NECTIN2: variants seen among roughly 807,000 people sequenced by gnomAD.
NECTIN2 encodes nectin cell adhesion molecule 2.
Under a neutral mutation model 56.9 loss-of-function variants are expected in NECTIN2, and 23 were observed. That is an observed-to-expected ratio of 0.40 (90% CI 0.29 to 0.57). The LOEUF is 0.57. Ranked by LOEUF, NECTIN2 falls within the 20% of genes least tolerant of loss-of-function variation. NECTIN2 has a pLI of 0.38. For synonymous variants in NECTIN2, 302 were observed against 313.8 expected, an observed-to-expected ratio of 0.96 and a Z score of 0.40; for missense variants, 587 against 718.3, an observed-to-expected ratio of 0.82 and a Z score of 2.09.
chr19:44,858,744 G>A (rs1968999147), intron 1 of NECTIN2, among the ~76,000 whole-genome samples: 1 of 152,044 alleles, frequency 6.6e-6, no homozygotes, highest in Non-Finnish European at 1.5e-5. Flanking sequence ...CCGGGTTCAA[G>A]CAATTCTCCC....
Position 44,874,242 on chromosome 19 carries a change from G to A in NECTIN2, c.894-88G>A. ...GGGAGTACTTAGGTCCCTGGAGCTT[G>A]GCTCCTGGTGGGTGTATCTTTAGGG... On this transcript the variant is annotated intron_variant, in intron 4 of 8. Coordinates refer to ENST00000252483, the MANE Select transcript of NECTIN2 (RefSeq NM_001042724.2). This position sits in a 1 kb window ranked among gnomAD's most constrained non-coding sequence, Gnocchi z 6.3. 6.7e-7 allele frequency: 1 copy of A among 1,490,042 alleles called. No individual in the cohort carries two copies. The highest frequency in any genetic ancestry group is 9.3e-7 in the Non-Finnish European group (1 of 1,076,094). The allele number at this position is 1,490,042 out of a possible 1,614,324, so 92.3% of individuals were successfully genotyped here. A position where few individuals can be genotyped will look rare whatever the true frequency, so the allele number is the denominator to read the frequency against.
In NECTIN2 at chr19:44,888,467, G is replaced by A. The variant is rs754771298; in HGVS notation, c.*88G>A. The A allele has an allele frequency of 1.4e-4, 193 of 1,407,570 alleles. No individual in the cohort carries two copies. The highest frequency in any genetic ancestry group is 1.8e-4 in the Non-Finnish European group (188 of 1,032,378). The allele number at this position is 1,407,570 out of a possible 1,614,324, so 87.2% of individuals were successfully genotyped here. On this transcript the variant is annotated 3_prime_UTR_variant, in exon 9 of 9. Transcript: ENST00000252483. ...CTAGTGCCCCCTGACCTCTGGCCAG[G>A]CCACTGTCAGTTAACACATATGCAT...
chr19:44,846,878 C>T (rs994514125), intron 1 of NECTIN2, among the ~76,000 whole-genome samples: 3 of 151,878 alleles, frequency 2.0e-5, no homozygotes, highest in African/African-American at 7.3e-5. Context: ...GCTTGTCTGT[C>T]CCCCTCCCCA....
rs1483322501 is a variant in NECTIN2 at position 44,865,875 on chromosome 19, C to CA, written c.478+222dup. On this transcript the variant is annotated intron_variant, in intron 2 of 8. Coordinates refer to ENST00000252483, the MANE Select transcript of NECTIN2 (RefSeq NM_001042724.2). The surrounding 1 kb of genome is among the most constrained non-coding windows in gnomAD (Gnocchi z 5.2). Reference sequence around the variant, plus strand: ...GGCAACCAGGCATTCTTGGGAAAAACAAAAAAATAAGTATTGGCTGGGCGC... The same window carrying CA: ...GGCAACCAGGCATTCTTGGGAAAAACAAAAAAAATAAGTATTGGCTGGGCGC... Among the ~76,000 whole-genome samples the CA allele has an allele frequency of 2.0e-5, 3 of 151,888 alleles. No homozygotes were observed. Among genetic ancestry groups the CA allele is most frequent in the Admixed American group, 6.6e-5 (1 of 15,228 alleles).
intron 1 of NECTIN2, among the ~76,000 whole-genome samples, chr19:44,846,960 G>A (rs1311777539): frequency 1.3e-5 from 2 of 152,002 alleles, no homozygotes; most frequent in African/African-American, 4.8e-5. Context: ...CCCGCGCCGA[G>A]TAGTTCACCC....
At chr19:44,872,798 T>A in intron 3 of NECTIN2, among the ~76,000 whole-genome samples, 1 of 143,368 alleles carries the variant, frequency 7.0e-6, no homozygotes, top group African/African-American at 2.7e-5. Flanking sequence ...TATTTATTAT[T>A]TATTATTTAT....
In NECTIN2 at chr19:44,886,177, C is replaced by T. The variant is rs1391170210; in HGVS notation, c.1305C>T (p.Leu435=). 1 of 1,612,974 alleles carries T rather than the reference C, an allele frequency of 6.2e-7. No homozygotes were observed. The highest frequency in any genetic ancestry group is 8.5e-7 in the Non-Finnish European group (1 of 1,179,876). The stretch of plus-strand genomic sequence containing the variant: ...TGGGGGCCTCGGAGCACAGCCCACT[C>T]AAGACCCCCTACTTTGATGCTGGCG... ...FTLGASEHSP[L]KTPYFDAGAS... The change falls in exon 8 of 9, where the codon CTC becomes CTT. Residue 435 remains leucine (L), a synonymous_variant. Transcript: ENST00000252483.
At chr19:44,877,088 G>T (rs1313541552) in intron 5 of NECTIN2, among the ~76,000 whole-genome samples, 1 of 152,068 alleles carries the variant, frequency 6.6e-6, no homozygotes, top group East Asian at 1.9e-4. Context: ...TACCAAAAAA[G>T]ATTTTATCCT....
chr19:44,867,818 G>A (rs939416210), intron 2 of NECTIN2, among the ~76,000 whole-genome samples: 3 of 152,130 alleles, frequency 2.0e-5, no homozygotes, highest in Non-Finnish European at 4.4e-5. Flanking sequence ...AAGAGCCATG[G>A]GAGGTGTCAA....
At chr19:44,864,780 A>T (rs1480137421) in intron 1 of NECTIN2, among the ~76,000 whole-genome samples, 2 of 151,962 alleles carry the variant, frequency 1.3e-5, no homozygotes, top group Non-Finnish European at 2.9e-5. Flanking sequence ...GTGAGCCGAG[A>T]TCGCGCCACT....
At chr19:44,877,005 C>T (rs944517741) in intron 5 of NECTIN2, among the ~76,000 whole-genome samples, 1 of 152,246 alleles carries the variant, frequency 6.6e-6, no homozygotes, top group Non-Finnish European at 1.5e-5. Context: ...AGTTAGTGAC[C>T]AGCACAGGAG....
intron 6 of NECTIN2, among the ~76,000 whole-genome samples, chr19:44,883,763 T>A (rs184560544): frequency 6.6e-6 from 1 of 152,270 alleles, no homozygotes; most frequent in East Asian, 1.9e-4. Flanking sequence ...AGCTCAAGTC[T>A]GCAATGAGCT....
Position 44,882,192 on chromosome 19 carries a change from G to A in NECTIN2, c.1043-19G>A, listed in dbSNP as rs373133771. ...GGCTTCCTCCTGGAGACCCCCTCAC[G>A]CTGTCCCTCTCCTTGCAGAGACCCC... On this transcript the variant is annotated intron_variant, in intron 5 of 8. Coordinates refer to ENST00000252483, the MANE Select transcript of NECTIN2 (RefSeq NM_001042724.2). 1.1e-5 allele frequency: 15 copies of A among 1,405,346 alleles called. No individual in the cohort carries two copies. The Admixed American group carries it at 2.4e-4, about 22-fold the overall frequency. The allele number at this position is 1,405,346 out of a possible 1,614,324, so 87.1% of individuals were successfully genotyped here. A position where few individuals can be genotyped will look rare whatever the true frequency, so the allele number is the denominator to read the frequency against.
intron 2 of NECTIN2, among the ~76,000 whole-genome samples, chr19:44,867,673 G>A (rs1969117212): frequency 6.6e-6 from 1 of 152,166 alleles, no homozygotes; most frequent in Non-Finnish European, 1.5e-5. Flanking sequence ...GCATGAGATG[G>A]GAGCTGGGCG....
intron 1 of NECTIN2, among the ~76,000 whole-genome samples, chr19:44,852,846 T>A (rs1357005594): frequency 6.6e-6 from 1 of 152,206 alleles, no homozygotes; most frequent in East Asian, 1.9e-4. Context: ...GGCTCACGCC[T>A]GTAATCCAAG....
At chr19:44,856,283 C>T (rs1395998608) in intron 1 of NECTIN2, among the ~76,000 whole-genome samples, 8 of 152,168 alleles carry the variant, frequency 5.3e-5, no homozygotes, top group African/African-American at 9.7e-5. Context: ...GGTGATACAG[C>T]GAGAATGTGT....
chr19:44,884,885 C>T (rs564618957), intron 6 of NECTIN2, among the ~76,000 whole-genome samples: 1 of 152,352 alleles, frequency 6.6e-6, no homozygotes, highest in African/African-American at 2.4e-5. Context: ...CAGGAAGGCA[C>T]TTCATTTATT....
chr19:44,862,781 G>A (rs1969048286), intron 1 of NECTIN2, among the ~76,000 whole-genome samples: 1 of 152,042 alleles, frequency 6.6e-6, no homozygotes, highest in Non-Finnish European at 1.5e-5. Flanking sequence ...TTGGGAGGCC[G>A]ACACGGGTGG....
At chr19:44,881,382 G>C (rs1486727524) in intron 5 of NECTIN2, among the ~76,000 whole-genome samples, 2 of 152,054 alleles carry the variant, frequency 1.3e-5, no homozygotes, top group Non-Finnish European at 2.9e-5. Context: ...TCTACTTGCT[G>C]TTCTTTAAAA....
Sources: gnomAD v4.1 joint callset for allele counts (sites outside exome capture counted in the v4.1 genomes callset) on GRCh38, gnomAD v4.1.1 for gene constraint, Gnocchi (gnomAD v3.1) non-coding constraint, MANE v1.5 for transcripts, NCBI Gene and HGNC (gene_info 2026-07-23, HGNC 2026-07-21) for gene names.